NIBAN2: variants seen among roughly 807,000 people sequenced by gnomAD.
NIBAN2 encodes the protein niban apoptosis regulator 2, also known as protein Niban 2.
Under a neutral mutation model 81.8 loss-of-function variants are expected in NIBAN2, and 36 were observed. The observed-to-expected ratio is 0.44, with a 90% CI of 0.34 to 0.58. The LOEUF (loss-of-function observed/expected upper bound fraction) is 0.58. Ranked by LOEUF, NIBAN2 falls within the 20% of genes least tolerant of loss-of-function variation. The pLI, the probability that NIBAN2 is intolerant of heterozygous loss-of-function variation, is 0.02. For synonymous variants in NIBAN2, 445 were observed against 441.6 expected (o/e 1.01, Z -0.10); for missense variants, 897 against 1,014.1 (o/e 0.88, Z 1.57).
Position 127,517,222 on chromosome 9 carries a change from T to C in NIBAN2, c.706-6A>G, listed in dbSNP as rs747783968. 1.2e-6 allele frequency: 2 copies of C among 1,612,954 alleles called. No individual in the cohort carries two copies. The highest frequency in any genetic ancestry group is 8.5e-7 in the Non-Finnish European group (1 of 1,179,496). ...ATCACCAGGTTGCTCAGGATCTAGGTTGAGGAGGCACAAGCCAGGCCAGGG... is the reference window on the plus strand; with the variant it reads ...ATCACCAGGTTGCTCAGGATCTAGGCTGAGGAGGCACAAGCCAGGCCAGGG... On this transcript the variant is annotated splice_region_variant and splice_polypyrimidine_tract_variant and intron_variant, in intron 6 of 13. Coordinates refer to ENST00000373312, the MANE Select transcript of NIBAN2 (RefSeq NM_022833.4). This position sits in a 1 kb window ranked among gnomAD's most constrained non-coding sequence, Gnocchi z 4.0.
At chr9:127,522,657 C>T (rs1420136647) in intron 5 of NIBAN2, among the ~76,000 whole-genome samples, 1 of 152,050 alleles carries the variant, frequency 6.6e-6, no homozygotes, top group Non-Finnish European at 1.5e-5. Flanking sequence ...CTACCCCTAC[C>T]ACCTGTGGGT....
chr9:127,549,032 T>C (rs1837525537), intron 1 of NIBAN2, among the ~76,000 whole-genome samples: 2 of 152,136 alleles, frequency 1.3e-5, no homozygotes, highest in Admixed American at 6.5e-5. Flanking sequence ...CTCCAAGAGT[T>C]GGTGTGAGGA....
chr9:127,552,415 T>A (rs112632079), intron 1 of NIBAN2, among the ~76,000 whole-genome samples: 37 of 151,460 alleles, frequency 2.4e-4, no homozygotes, highest in African/African-American at 8.0e-4. Flanking sequence ...TCTACGAAAA[T>A]TTTTTTAAAA....
intron 1 of NIBAN2, chr9:127,561,135 C>A (rs191146065): frequency 1.0e-6 from 1 of 985,370 alleles, no homozygotes; most frequent in Non-Finnish European, 1.2e-6. Flanking sequence ...GATGCTGCTG[C>A]GGAGTGACTG....
intron 1 of NIBAN2, among the ~76,000 whole-genome samples, chr9:127,575,370 G>A (rs77647285): frequency 0.027 from 4,126 of 151,510 alleles, 154 homozygotes; most frequent in African/African-American, 0.078. Context: ...TGGGATTACA[G>A]GTTCCTGCCA....
At chr9:127,566,000 C>CG (rs747820982) in intron 1 of NIBAN2, among the ~76,000 whole-genome samples, 1 of 149,860 alleles carries the variant, frequency 6.7e-6, no homozygotes, top group Non-Finnish European at 1.5e-5. Flanking sequence ...GGCATGGTGG[C>CG]GCATGCCTGT....
chr9:127,516,978 C>G lies in NIBAN2; in HGVS notation c.852G>C (p.Lys284Asn). 1 of 1,614,102 alleles carries G rather than the reference C, an allele frequency of 6.2e-7. No homozygotes were observed. The highest frequency in any genetic ancestry group is 8.5e-7 in the Non-Finnish European group (1 of 1,180,014). Residue 284 changes from lysine (K) to asparagine (N), a missense_variant, in exon 8 of 14, where the codon AAG becomes AAC. Physicochemically the swap from Lys to Asn is moderately conservative, Grantham distance 94. This residue lies in a region of NIBAN2 where 619 missense variants were observed against 691.0 expected (regional missense o/e 0.90). Coordinates refer to ENST00000373312, the MANE Select transcript of NIBAN2 (RefSeq NM_022833.4). ...AVYHMVYEQAKARFEEVLSKV... is the reference protein window; with the variant it reads ...AVYHMVYEQANARFEEVLSKV... ...TGGACAGCACCTCCTCGAAGCGCGC[C>G]TTGGCCTGCTCGTACACCATGTGGT...
At chr9:127,533,753 T>C (rs867716332) in intron 1 of NIBAN2, among the ~76,000 whole-genome samples, 3 of 152,362 alleles carry the variant, frequency 2.0e-5, no homozygotes, top group Middle Eastern at 6.8e-3. Flanking sequence ...ACCTCTGGTG[T>C]GGGAGTGGGG....
intron 1 of NIBAN2, among the ~76,000 whole-genome samples, chr9:127,564,573 G>A (rs942836033): frequency 1.3e-5 from 2 of 152,104 alleles, no homozygotes; most frequent in African/African-American, 4.8e-5. Flanking sequence ...GAAGCATAGA[G>A]TAATATCTCT....
intron 3 of NIBAN2, among the ~76,000 whole-genome samples, chr9:127,526,691 G>A (rs1393990829): frequency 2.6e-5 from 4 of 152,152 alleles, no homozygotes; most frequent in Non-Finnish European, 5.9e-5. Flanking sequence ...GCTTCCCTGA[G>A]GGCTCAGGGA....
rs1473272624 is a variant in NIBAN2, at chr9:127,523,880, C to A, written c.422-34G>T. On this transcript the variant is annotated intron_variant, in intron 4 of 13. Transcript: ENST00000373312. ...ACAGTGCCTGATGAGCAGCTGCCCT[C>A]TGTGGTTGCCCTCCACCAGAGGATG... 1.9e-6 allele frequency: 3 copies of A among 1,589,710 alleles called. No homozygotes were observed. In the Admixed American group the frequency reaches 5.0e-5, roughly 27 times the overall value.
chr9:127,529,454 C>T (rs771432422), intron 2 of NIBAN2, among the ~76,000 whole-genome samples: 1 of 152,210 alleles, frequency 6.6e-6, no homozygotes, highest in Non-Finnish European at 1.5e-5. Context: ...GCCTGGCCAA[C>T]ATGGTGAAAC....
chr9:127,525,098 G>A lies in NIBAN2; in HGVS notation c.381C>T (p.Ser127=), dbSNP rs766348775. ...INSAGYKILT[S]VDQYLELIGN... is the part of the protein sequence containing the mutation. ...CAATGAGCTCCAGGTATTGGTCCAC[G>A]GACGTGAGGATTTTGTAGCCTGCAC... Residue 127 remains serine (S), a synonymous_variant, in exon 4 of 14, where the codon TCC becomes TCT. Transcript: ENST00000373312. 180 of 1,614,062 alleles carry A rather than the reference G, an allele frequency of 1.1e-4. No individual in the cohort carries two copies. Among genetic ancestry groups the A allele is most frequent in the Non-Finnish European group, 1.5e-4 (172 of 1,180,026 alleles).
chr9:127,566,322 G>A (rs1015908756), intron 1 of NIBAN2, among the ~76,000 whole-genome samples: 6 of 152,094 alleles, frequency 3.9e-5, no homozygotes, highest in Admixed American at 1.3e-4. Context: ...GAGAGGAAGT[G>A]GCCTACCCAA....
intron 1 of NIBAN2, among the ~76,000 whole-genome samples, chr9:127,564,020 T>C (rs1386132079): frequency 6.6e-6 from 1 of 152,046 alleles, no homozygotes; most frequent in Non-Finnish European, 1.5e-5. Flanking sequence ...AGGCAGGGCA[T>C]GGTGGCTCAC....
Position 127,561,214 on chromosome 9 carries a change from G to GC in NIBAN2, c.55+7605dup. 3 of 985,478 alleles carry GC rather than the reference G, an allele frequency of 3.0e-6. No homozygotes were observed. In the East Asian group the frequency reaches 3.4e-4, roughly 112 times the overall value. The allele number at this position is 985,478 out of a possible 1,614,324, so 61.0% of individuals were successfully genotyped here. A position where few individuals can be genotyped will look rare whatever the true frequency, so the allele number is the denominator to read the frequency against. ...TCGCTGAATACCCCAGGGGTCCAGG[G>GC]CCATAGGCTGGTGCTCCTCTGACCT... On this transcript the variant is annotated intron_variant, in intron 1 of 13. Coordinates refer to ENST00000373312, the MANE Select transcript of NIBAN2 (RefSeq NM_022833.4).
chr9:127,554,746 A>C (rs900678594), intron 1 of NIBAN2, among the ~76,000 whole-genome samples: 5 of 151,212 alleles, frequency 3.3e-5, no homozygotes, highest in African/African-American at 1.2e-4. Context: ...TTTTTAGTAG[A>C]GACGGGGGGT....
At chr9:127,565,175 TG>T (rs1434914219) in intron 1 of NIBAN2, among the ~76,000 whole-genome samples, 3 of 152,058 alleles carry the variant, frequency 2.0e-5, no homozygotes, top group Non-Finnish European at 4.4e-5. Context: ...TTGCCCACGC[TG>T]GTCTTGAACT....
rs1007877664 is a variant in NIBAN2, at chr9:127,545,407, G to A, written c.56-13629C>T. Among the ~76,000 whole-genome samples, 15 of 152,138 alleles carry A rather than the reference G, an allele frequency of 9.9e-5. No homozygotes were observed. Among genetic ancestry groups the A allele is most frequent in the South Asian group, 4.1e-4 (2 of 4,822 alleles). ...GCTGTCTCCCCAGCACCCAGCTCCC[G>A]CCAGGCCCAGGGGGGTGCTTGATAA... On this transcript the variant is annotated intron_variant, in intron 1 of 13. Transcript: ENST00000373312. This position sits in a 1 kb window ranked among gnomAD's most constrained non-coding sequence, Gnocchi z 4.7.
Sources: allele counts gnomAD v4.1 joint callset (sites outside exome capture counted in the v4.1 genomes callset), GRCh38; gene constraint gnomAD v4.1.1; regional missense constraint gnomAD v4.1.1; non-coding constraint Gnocchi (gnomAD v3.1); transcripts MANE v1.5; gene names NCBI Gene and HGNC (gene_info 2026-07-23, HGNC 2026-07-21).